Variants in CCN4 observed in about 807,000 individuals in gnomAD.
CCN4 encodes CCN family member 4.
A neutral mutation model predicts 36.7 loss-of-function variants in CCN4; 30 were observed. The ratio of observed to expected loss-of-function variants is 0.82; its 90% CI spans 0.61 to 1.11. The LOEUF is 1.11. Ranked by LOEUF, CCN4 falls within the 50% of genes least tolerant of loss-of-function variation. The pLI is 0.00. For synonymous variants in CCN4, 191 were observed against 195.4 expected, an observed-to-expected ratio of 0.98 and a Z score of 0.19; for missense variants, 505 against 504.9, an observed-to-expected ratio of 1.00 and a Z score of 0.00.
intron 1 of CCN4, 98 bp from the exon 2 acceptor site, chr8:133,212,766 T>C (rs1415158264): frequency 8.5e-6 from 8 of 943,580 alleles, no homozygotes; most frequent in Non-Finnish European, 1.3e-5. Flanking sequence ...ATGAAAACCT[T>C]TTGAACAGCA....
At chr8:133,191,267 G>A (rs1853099517) in intron 1 of CCN4, 54 bp downstream of exon 1, 4 of 1,559,412 alleles carry the variant, frequency 2.6e-6, no homozygotes, top group Non-Finnish European at 3.5e-6. Context: ...TCTCTACTGG[G>A]TCCTGCTACA....
At chr8:133,199,494 G>C (rs1488507157) in intron 1 of CCN4, among the ~76,000 whole-genome samples, 2 of 152,156 alleles carry the variant, frequency 1.3e-5, no homozygotes, top group African/African-American at 4.8e-5. Flanking sequence ...AAGAGGTTGG[G>C]TGTGGAGCAT....
chr8:133,194,361 TGGGG>T (rs1853237060), intron 1 of CCN4, among the ~76,000 whole-genome samples: 1 of 22,812 alleles, frequency 4.4e-5, no homozygotes, highest in Non-Finnish European at 8.1e-5. Context: ...TGGTGGTGTG[TGGGG>T]GTGTGTGTGT....
chr8:133,219,356 C>T (rs1854436073), intron 2 of CCN4, among the ~76,000 whole-genome samples: 1 of 152,136 alleles, frequency 6.6e-6, no homozygotes, highest in Non-Finnish European at 1.5e-5. Flanking sequence ...GGGCCCCTCC[C>T]TACCTGGAAA....
chr8:133,223,415 G>A (rs1443749065), intron 3 of CCN4, among the ~76,000 whole-genome samples: 2 of 152,128 alleles, frequency 1.3e-5, no homozygotes, highest in African/African-American at 4.8e-5. Flanking sequence ...GTCCTTGGAT[G>A]CCTCCCATTT....
At chr8:133,226,628 G>T (rs1464402080) in intron 4 of CCN4, among the ~76,000 whole-genome samples, 1 of 152,234 alleles carries the variant, frequency 6.6e-6, no homozygotes, top group Non-Finnish European at 1.5e-5. Flanking sequence ...CGTTAGCTGA[G>T]TGAGATGGCT....
At chr8:133,215,896 G>C (rs1854302394) in intron 2 of CCN4, among the ~76,000 whole-genome samples, 1 of 152,088 alleles carries the variant, frequency 6.6e-6, no homozygotes, top group Non-Finnish European at 1.5e-5. Flanking sequence ...TTCCAAAAGA[G>C]AGGTATCATA....
chr8:133,212,794 T>A (rs1854102501), intron 1 of CCN4, 70 bp from the exon 2 acceptor site: 1 of 1,234,748 alleles, frequency 8.1e-7, no homozygotes, highest in African/African-American at 1.5e-5. Context: ...AGGAATGCAA[T>A]GGCAGGGCCC....
intron 1 of CCN4, among the ~76,000 whole-genome samples, chr8:133,207,147 C>T (rs1369906292): frequency 6.6e-6 from 1 of 152,244 alleles, no homozygotes; most frequent in Non-Finnish European, 1.5e-5. Context: ...AGCGTTAAGA[C>T]TCACCGGCTC....
rs997522561 is a variant in CCN4, at chr8:133,230,990, T to C, written c.*3280T>C. 13 of 152,204 alleles carry C rather than the reference T, an allele frequency of 8.5e-5. No homozygotes were observed. Among genetic ancestry groups the C allele is most frequent in the East Asian group, 3.8e-4 (2 of 5,206 alleles). 9.4% of individuals were successfully genotyped at this position (152,204 alleles called of 1,614,324 possible). On this transcript the variant is annotated 3_prime_UTR_variant, in exon 5 of 5. Coordinates refer to ENST00000250160, the MANE Select transcript of CCN4 (RefSeq NM_003882.4). The stretch of plus-strand genomic sequence containing the variant: ...CCAGGATAGTCTGATACCTGAGCCA[T>C]CTCTTCTTGTGCTACGCCTAGTTAT...
In CCN4 at chr8:133,231,460, G is replaced by A. The variant is rs892342057; in HGVS notation, c.*3750G>A. 2 of 152,162 alleles carry A rather than the reference G, an allele frequency of 1.3e-5. No homozygotes were observed. Among genetic ancestry groups the A allele is most frequent in the Non-Finnish European group, 2.9e-5 (2 of 68,030 alleles). 9.4% of individuals were successfully genotyped at this position (152,162 alleles called of 1,614,324 possible). Reference sequence around the variant, plus strand: ...AGGAAAAATAACACTTGGGCAATCTGTCATGTTTCACAACAGTTCTCATTT... The same window carrying A: ...AGGAAAAATAACACTTGGGCAATCTATCATGTTTCACAACAGTTCTCATTT... On this transcript the variant is annotated 3_prime_UTR_variant, in exon 5 of 5. Transcript: ENST00000250160.
At chr8:133,201,885 T>G (rs1853600183) in intron 1 of CCN4, among the ~76,000 whole-genome samples, 3 of 147,862 alleles carry the variant, frequency 2.0e-5, no homozygotes, top group African/African-American at 8.0e-5. Context: ...AACCCATACA[T>G]GTGTGGGGAA....
chr8:133,225,446 T>G lies in CCN4; in HGVS notation c.667T>G (p.Trp223Gly). 6.2e-7 allele frequency: 1 copy of G among 1,614,036 alleles called. No homozygotes were observed. The highest frequency in any genetic ancestry group is 1.7e-4 in the Middle Eastern group (1 of 6,044). ...HRNCIAYTSP[W>G]SPCSTSCGLG... ...GAACTGCATAGCCTACACAAGCCCC[T>G]GGAGCCCTTGCTCCACCAGCTGCGG... Residue 223 changes from tryptophan to glycine, a missense_variant, in exon 4 of 5, where the codon TGG becomes GGG. Transcript: ENST00000250160.
Position 133,212,929 on chromosome 8 carries a change from C to T in CCN4, c.135C>T (p.Arg45=), listed in dbSNP as rs547864846. 1.2e-6 allele frequency: 2 copies of T among 1,613,538 alleles called. No homozygotes were observed. The highest frequency in any genetic ancestry group is 1.1e-5 in the South Asian group (1 of 91,048). The part of the protein sequence containing the change: ...TPAPLEDTSS[R]PQFCKWPCEC... The stretch of plus-strand genomic sequence containing the variant: ...CTCCACTGGAGGACACCTCCTCACG[C>T]CCCCAATTCTGCAAGTGGCCATGTG... Residue 45 remains arginine, a synonymous_variant, in exon 2 of 5, where the codon CGC becomes CGT. Transcript: ENST00000250160.
At chr8:133,192,877 A>G (rs980771744) in intron 1 of CCN4, among the ~76,000 whole-genome samples, 40 of 152,192 alleles carry the variant, frequency 2.6e-4, no homozygotes, top group African/African-American at 9.4e-4. Flanking sequence ...GCCAGAGGAG[A>G]CCAGCAAAGG....
chr8:133,220,284 C>T (rs1298307559), intron 2 of CCN4, among the ~76,000 whole-genome samples: 2 of 152,156 alleles, frequency 1.3e-5, no homozygotes, highest in Non-Finnish European at 2.9e-5. Flanking sequence ...TGCTGGGGAC[C>T]CTGCAGGGAG....
intron 3 of CCN4, among the ~76,000 whole-genome samples, chr8:133,221,285 G>A (rs1564265697): frequency 6.6e-6 from 1 of 152,318 alleles, no homozygotes; most frequent in East Asian, 1.9e-4. Context: ...AGGTAAACCA[G>A]ATAAGAGGAA....
At chr8:133,198,756 C>T (rs962423996) in intron 1 of CCN4, among the ~76,000 whole-genome samples, 1 of 152,214 alleles carries the variant, frequency 6.6e-6, no homozygotes, top group Non-Finnish European at 1.5e-5. Flanking sequence ...GGACTCTCTG[C>T]TGGCCTTGCC....
chr8:133,206,724 G>T (rs1301732248), intron 1 of CCN4, among the ~76,000 whole-genome samples: 3 of 152,178 alleles, frequency 2.0e-5, no homozygotes, highest in Non-Finnish European at 2.9e-5. Context: ...GCCTGCCTGG[G>T]GCCGAGGGAG....
Sources: gnomAD v4.1 joint callset for allele counts (sites outside exome capture counted in the v4.1 genomes callset) on GRCh38, gnomAD v4.1.1 for gene constraint, MANE v1.5 for transcripts, NCBI Gene and HGNC (gene_info 2026-07-23, HGNC 2026-07-21) for gene names.